The following RGS20 variants were observed in gnomAD, a reference collection of about 807,000 sequenced individuals.
The protein encoded by RGS20 is regulator of G protein signaling 20, also known as gz-selective GTPase-activating protein.
Under a neutral mutation model 33.6 loss-of-function variants are expected in RGS20, and 30 were observed. The ratio of observed to expected loss-of-function variants is 0.89; its 90% CI spans 0.67 to 1.21. The LOEUF (loss-of-function observed/expected upper bound fraction) is 1.21. RGS20 is among the 50% of genes most tolerant of loss of function. RGS20 has a pLI of 0.00. For synonymous variants in RGS20, 208 were observed against 197.9 expected, an observed-to-expected ratio of 1.05 and a Z score of -0.43; for missense variants, 472 against 502.4, an observed-to-expected ratio of 0.94 and a Z score of 0.58.
chr8:53,924,114 C>T (rs193130431), intron 2 of RGS20, among the ~76,000 whole-genome samples: 1 of 151,968 alleles, frequency 6.6e-6, no homozygotes, highest in Admixed American at 6.6e-5. Context: ...ACCTCCTGGG[C>T]TCAAGCATTC....
intron 1 of RGS20, among the ~76,000 whole-genome samples, chr8:53,854,694 C>A (rs1811635902): frequency 6.6e-6 from 1 of 152,190 alleles, no homozygotes; most frequent in Admixed American, 6.5e-5. Flanking sequence ...TACAGCCAAT[C>A]TGGAAAACAA....
chr8:53,934,381 C>T (rs1215563951), intron 2 of RGS20, among the ~76,000 whole-genome samples: 75 of 152,094 alleles, frequency 4.9e-4, no homozygotes, highest in Non-Finnish European at 1.2e-4. Context: ...TGCAGAGACA[C>T]ACATAGACTC....
intron 2 of RGS20, among the ~76,000 whole-genome samples, chr8:53,886,559 A>G: frequency 6.6e-6 from 1 of 152,226 alleles, no homozygotes; most frequent in East Asian, 1.9e-4. Context: ...AAAGTGTAAA[A>G]TCCTTTTCAT....
chr8:53,890,095 CA>C (rs1812670880), intron 2 of RGS20, among the ~76,000 whole-genome samples: 1 of 152,150 alleles, frequency 6.6e-6, no homozygotes, highest in Non-Finnish European at 1.5e-5. Flanking sequence ...ACCCAAATCA[CA>C]GATATGTTGG....
Position 53,879,272 on chromosome 8 carries a change from A to C in RGS20, c.180A>C (p.Ala60=). 5.6e-6 allele frequency: 9 copies of C among 1,613,592 alleles called. No individual in the cohort carries two copies. Among genetic ancestry groups the C allele is most frequent in the Middle Eastern group, 3.3e-4 (2 of 6,062 alleles). Residue 60 remains alanine (A), a synonymous_variant, in exon 2 of 6, where the codon GCA becomes GCC. Transcript: ENST00000297313. Reference sequence around the variant, plus strand: ...CCCCACCCCAGTCCTTCCCGCCTGCACAGCTCCCAGACTCGCCCGCCGCCC... The same window carrying C: ...CCCCACCCCAGTCCTTCCCGCCTGCCCAGCTCCCAGACTCGCCCGCCGCCC...
At chr8:53,880,959 C>T (rs1327659809) in intron 2 of RGS20, 1 of 1,574,028 alleles carries the variant, frequency 6.4e-7, no homozygotes, top group Admixed American at 1.8e-5. Context: ...GAGCAATCGC[C>T]GACGTAGAGA....
chr8:53,868,553 C>A (rs1224467483), intron 1 of RGS20, among the ~76,000 whole-genome samples: 1 of 151,712 alleles, frequency 6.6e-6, no homozygotes, highest in South Asian at 2.1e-4. Context: ...AATGTGTATA[C>A]CTCAGGGTAA....
intron 3 of RGS20, chr8:53,946,462 C>A: frequency 1.6e-6 from 1 of 615,048 alleles, no homozygotes; most frequent in Non-Finnish European, 2.9e-6. Flanking sequence ...TAGTAGAAAC[C>A]ACAACGTTTA....
chr8:53,875,914 G>A (rs1812199216), intron 1 of RGS20, among the ~76,000 whole-genome samples: 1 of 152,164 alleles, frequency 6.6e-6, no homozygotes, highest in South Asian at 2.1e-4. Context: ...CTAATAGCCA[G>A]GATCTGTTAG....
At chr8:53,860,927 A>G (rs1048694409) in intron 1 of RGS20, among the ~76,000 whole-genome samples, 6 of 151,902 alleles carry the variant, frequency 3.9e-5, no homozygotes, top group African/African-American at 1.5e-4. Context: ...AGATCACACC[A>G]CTGCACTCTA....
chr8:53,939,854 C>CT lies in RGS20; in HGVS notation c.659+131dup, dbSNP rs1814239915. ...TCAATAAGTGTTTTTTAAGCAACTA[C>CT]TATATGCCTGACACACAGGGACACC... On this transcript the variant is annotated intron_variant, in intron 3 of 5. Transcript: ENST00000297313. 6 of 1,072,160 alleles carry CT rather than the reference C, an allele frequency of 5.6e-6. No individual in the cohort carries two copies. In the East Asian group the frequency reaches 1.6e-4, roughly 29 times the overall value. 66.4% of individuals were successfully genotyped at this position (1,072,160 alleles called of 1,614,324 possible). A position where few individuals can be genotyped will look rare whatever the true frequency, so the allele number is the denominator to read the frequency against.
intron 1 of RGS20, among the ~76,000 whole-genome samples, chr8:53,873,063 C>T (rs1175229459): frequency 1.3e-5 from 2 of 152,116 alleles, no homozygotes; most frequent in Non-Finnish European, 2.9e-5. Context: ...GTGCTGTCCT[C>T]ATGATAGTAA....
intron 3 of RGS20, among the ~76,000 whole-genome samples, chr8:53,946,083 T>G (rs1814468074): frequency 1.3e-5 from 2 of 152,236 alleles, no homozygotes; most frequent in Non-Finnish European, 2.9e-5. Context: ...TCTCTACTAC[T>G]TTTGTATATT....
At chr8:53,938,817 A>G (rs527876956) in intron 2 of RGS20, among the ~76,000 whole-genome samples, 4 of 152,280 alleles carry the variant, frequency 2.6e-5, no homozygotes, top group South Asian at 2.1e-4. Flanking sequence ...GGAGTCCCCA[A>G]CAACAGGGCA....
chr8:53,855,458 A>G (rs905383101), intron 1 of RGS20, among the ~76,000 whole-genome samples: 1 of 152,200 alleles, frequency 6.6e-6, no homozygotes, highest in Non-Finnish European at 1.5e-5. Flanking sequence ...GGATATAGCT[A>G]CAAAGGGGTC....
At chr8:53,940,051 G>A in intron 3 of RGS20, among the ~76,000 whole-genome samples, 1 of 152,212 alleles carries the variant, frequency 6.6e-6, no homozygotes, top group Middle Eastern at 3.2e-3. Context: ...AGGCACTCCT[G>A]TGGTAATGAA....
At chr8:53,924,763 T>C (rs1813747589) in intron 2 of RGS20, among the ~76,000 whole-genome samples, 1 of 152,222 alleles carries the variant, frequency 6.6e-6, no homozygotes, top group Non-Finnish European at 1.5e-5. Flanking sequence ...AAGAGCCAGA[T>C]GTTATGATGA....
Position 53,851,804 on chromosome 8 carries a change from C to T in RGS20, c.-96C>T. 2 of 1,330,876 alleles carry T rather than the reference C, an allele frequency of 1.5e-6. No homozygotes were observed. Among genetic ancestry groups the T allele is most frequent in the Non-Finnish European group, 2.1e-6 (2 of 966,152 alleles). The allele number at this position is 1,330,876 out of a possible 1,614,324, so 82.4% of individuals were successfully genotyped here. The stretch of plus-strand genomic sequence containing the variant: ...GTCTCCCCACAGATTCAGAGCCAGC[C>T]CAGCATTAACCAAACAAAGAGAAGC... On this transcript the variant is annotated 5_prime_UTR_variant, in exon 1 of 6. Transcript: ENST00000297313.
In RGS20 at chr8:53,879,248, C is replaced by T. The variant is rs1812278409; in HGVS notation, c.166-10C>T. 2 of 1,610,774 alleles carry T rather than the reference C, an allele frequency of 1.2e-6. No homozygotes were observed. The highest frequency in any genetic ancestry group is 1.3e-5 in the African/African-American group (1 of 74,762). ...CGTATGCTGGTTTTGTTTCTCTCTC[C>T]CCACCCCAGTCCTTCCCGCCTGCAC... is the stretch of plus-strand genomic sequence containing the variant. On this transcript the variant is annotated splice_polypyrimidine_tract_variant and intron_variant, in intron 1 of 5. Transcript: ENST00000297313.
Sources: allele counts gnomAD v4.1 joint callset (sites outside exome capture counted in the v4.1 genomes callset), GRCh38; gene constraint gnomAD v4.1.1; transcripts MANE v1.5; gene names NCBI Gene and HGNC (gene_info 2026-07-23, HGNC 2026-07-21).